Variants in RORA observed in about 807,000 individuals in gnomAD.
RORA encodes the protein nuclear receptor ROR-alpha.
In RORA, 7 loss-of-function variants were observed where a neutral mutation model predicts 69.5. That is an observed-to-expected ratio of 0.10 (90% CI 0.06 to 0.19). RORA has a LOEUF of 0.19. Ranked by LOEUF, RORA falls within the 10% of genes least tolerant of loss-of-function variation. The pLI is 1.00. For missense variants in RORA, 457 were observed against 663.0 expected (o/e 0.69, Z 3.41); for synonymous variants, 261 against 240.8 (o/e 1.08, Z -0.78).
At chr15:60,858,844 T>C (rs2073407735) in intron 1 of RORA, among the ~76,000 whole-genome samples, 1 of 152,092 alleles carries the variant, frequency 6.6e-6, no homozygotes, top group African/African-American at 2.4e-5. Context: ...TACAATACCC[T>C]CAGCTTGGTG....
intron 1 of RORA, among the ~76,000 whole-genome samples, chr15:60,742,733 GT>G (rs763876087): frequency 1.3e-5 from 2 of 152,146 alleles, no homozygotes; most frequent in Non-Finnish European, 2.9e-5. Context: ...TGTAGTATTT[GT>G]CTTTCTGTGC....
Position 60,499,949 on chromosome 15 carries a change from C to G in RORA, c.1350G>C (p.Gln450His), listed in dbSNP as rs566641629. 6.2e-7 allele frequency: 1 copy of G among 1,613,244 alleles called. No individual in the cohort carries two copies. The highest frequency in any genetic ancestry group is 1.3e-5 in the African/African-American group (1 of 74,972). Residue 450 changes from glutamine to histidine, a missense_variant, in exon 10 of 11, where the codon CAG becomes CAC. Transcript: ENST00000335670. ...VKIEKLQQKIQLALQHVLQKN... is the reference protein window; with the variant it reads ...VKIEKLQQKIHLALQHVLQKN... Reference sequence around the variant, plus strand: ...TCTGTAGGACGTGTTGAAGAGCTAGCTGAATTTTCTGTTGCAGTTTTTCAA... The same window carrying G: ...TCTGTAGGACGTGTTGAAGAGCTAGGTGAATTTTCTGTTGCAGTTTTTCAA...
chr15:61,149,699 T>C (rs2079381506), intron 1 of RORA, among the ~76,000 whole-genome samples: 1 of 152,196 alleles, frequency 6.6e-6, no homozygotes, highest in South Asian at 2.1e-4. Context: ...GAAAGCACTA[T>C]TCTGGAATAG....
At chr15:60,581,310 G>A (rs903977416) in intron 2 of RORA, among the ~76,000 whole-genome samples, 4 of 152,122 alleles carry the variant, frequency 2.6e-5, no homozygotes, top group African/African-American at 9.7e-5. Context: ...AAACAACTTT[G>A]TTTCTCTGCA....
In RORA at chr15:60,643,545, A is replaced by G. The variant is rs561550813; in HGVS notation, c.196+35112T>C. Among the ~76,000 whole-genome samples, 8 of 152,292 alleles carry G rather than the reference A, an allele frequency of 5.3e-5. No individual in the cohort carries two copies. In the South Asian group the frequency reaches 8.3e-4, roughly 16 times the overall value. ...AGAAGATAAGGCTGGAGAGTTTAAGAGTTGTATTAGATCTCCTTTTAATCT... is the reference window on the plus strand; with the variant it reads ...AGAAGATAAGGCTGGAGAGTTTAAGGGTTGTATTAGATCTCCTTTTAATCT... On this transcript the variant is annotated intron_variant, in intron 2 of 10. Coordinates refer to ENST00000335670, the MANE Select transcript of RORA (RefSeq NM_134261.3).
chr15:60,511,217 T>C lies in RORA; in HGVS notation c.820+9A>G, dbSNP rs2065686727. The C allele has an allele frequency of 1.2e-6, 2 of 1,605,826 alleles. No individual in the cohort carries two copies. The highest frequency in any genetic ancestry group is 2.7e-5 in the African/African-American group (2 of 74,848). The stretch of plus-strand genomic sequence containing the variant: ...TAGAGCATCCCAGGAGAAGCATGCA[T>C]GCCATTACCTAATTCTGCCATGGAC... On this transcript the variant is annotated intron_variant, in intron 5 of 10. Coordinates refer to ENST00000335670, the MANE Select transcript of RORA (RefSeq NM_134261.3). The surrounding 1 kb of genome is among the most constrained non-coding windows in gnomAD (Gnocchi z 6.4).
At chr15:61,082,473 G>A (rs2078559439) in intron 1 of RORA, among the ~76,000 whole-genome samples, 1 of 152,188 alleles carries the variant, frequency 6.6e-6, no homozygotes, top group Admixed American at 6.5e-5. Flanking sequence ...TGGGTGACAA[G>A]AGCAAAACTC....
intron 1 of RORA, among the ~76,000 whole-genome samples, chr15:61,121,027 T>A (rs983230029): frequency 1.2e-4 from 18 of 151,902 alleles, no homozygotes; most frequent in Non-Finnish European, 2.1e-4. Flanking sequence ...TTTTTGTATT[T>A]TTGGTAGAGA....
At chr15:60,767,363 C>T (rs1201309279) in intron 1 of RORA, among the ~76,000 whole-genome samples, 1 of 152,152 alleles carries the variant, frequency 6.6e-6, no homozygotes, top group Non-Finnish European at 1.5e-5. Context: ...CCAGCAGGTA[C>T]TCTAAATATG....
At chr15:60,588,632 G>A (rs1489421946) in intron 2 of RORA, among the ~76,000 whole-genome samples, 2 of 152,168 alleles carry the variant, frequency 1.3e-5, no homozygotes, top group East Asian at 1.9e-4. Context: ...ACTTGAGTGG[G>A]AGGGAAAGAT....
intron 1 of RORA, among the ~76,000 whole-genome samples, chr15:60,706,890 A>G (rs1392138886): frequency 2.0e-5 from 3 of 152,234 alleles, no homozygotes; most frequent in Non-Finnish European, 2.9e-5. Flanking sequence ...ATTCAGTCAA[A>G]TTAACAAACT....
intron 1 of RORA, 66 bp downstream of exon 1, chr15:61,228,987 C>T: frequency 6.5e-6 from 6 of 929,902 alleles, no homozygotes; most frequent in Middle Eastern, 5.0e-4. Flanking sequence ...CGCCCGCTCC[C>T]GGCCGCCCCC....
intron 1 of RORA, among the ~76,000 whole-genome samples, chr15:60,821,341 C>A (rs1371321696): frequency 6.6e-6 from 1 of 152,164 alleles, no homozygotes; most frequent in Non-Finnish European, 1.5e-5. Context: ...GGGCTTCTAG[C>A]CCCTACGCTC....
chr15:60,837,014 C>A (rs536220246), intron 1 of RORA, among the ~76,000 whole-genome samples: 20 of 149,618 alleles, frequency 1.3e-4, no homozygotes, highest in Non-Finnish European at 2.5e-4. Flanking sequence ...TGCTCACATA[C>A]AAAATTCATA....
At chr15:61,039,449 T>G (rs1896623563) in intron 1 of RORA, among the ~76,000 whole-genome samples, 2 of 152,096 alleles carry the variant, frequency 1.3e-5, no homozygotes, top group African/African-American at 2.4e-5. Flanking sequence ...GAGGTTCACA[T>G]TCTTCCTTGG....
intron 1 of RORA, among the ~76,000 whole-genome samples, chr15:60,777,356 AG>A (rs1033865937): frequency 2.6e-5 from 4 of 152,242 alleles, no homozygotes; most frequent in Non-Finnish European, 5.9e-5. Flanking sequence ...AGATATCACG[AG>A]ACCCTGGTTA....
intron 1 of RORA, among the ~76,000 whole-genome samples, chr15:60,763,078 T>TTTTTTTTTTTTTTTTTTTTTTTC (rs2071921527): frequency 8.3e-6 from 1 of 120,900 alleles, no homozygotes; most frequent in Non-Finnish European, 1.9e-5. Context: ...TTTTTTTTTT[T>TTTTTTTTTTTTTTTTTTTTTTTC]TTTTTTTTTT....
chr15:60,572,612 G>T (rs1866954373), intron 2 of RORA, among the ~76,000 whole-genome samples: 1 of 152,120 alleles, frequency 6.6e-6, no homozygotes, highest in Non-Finnish European at 1.5e-5. Context: ...AGCGCTTATT[G>T]ATGGGCCAAC....
At chr15:60,878,185 A>AG (rs2073639611) in intron 1 of RORA, among the ~76,000 whole-genome samples, 1 of 149,054 alleles carries the variant, frequency 6.7e-6, no homozygotes, top group African/African-American at 2.5e-5. Context: ...AAAAAAAAAA[A>AG]AAAAAAAAAT....
Sources: allele counts gnomAD v4.1 joint callset (sites outside exome capture counted in the v4.1 genomes callset), GRCh38; gene constraint gnomAD v4.1.1; non-coding constraint Gnocchi (gnomAD v3.1); transcripts MANE v1.5; gene names NCBI Gene and HGNC (gene_info 2026-07-23, HGNC 2026-07-21).